DNASE2B: variants seen among roughly 807,000 people sequenced by gnomAD.
DNASE2B encodes deoxyribonuclease-2-beta.
DNASE2B carries 43 observed loss-of-function variants against 46.0 expected under a neutral mutation model. The observed-to-expected ratio is 0.94, with a 90% CI of 0.73 to 1.21. DNASE2B has a LOEUF of 1.21. Ranked by LOEUF, DNASE2B falls within the 50% of genes most tolerant of loss-of-function variation. The pLI is 0.00. For synonymous variants in DNASE2B, 156 were observed against 152.5 expected, an observed-to-expected ratio of 1.02 and a Z score of -0.17; for missense variants, 395 against 414.4, an observed-to-expected ratio of 0.95 and a Z score of 0.41.
intron 2 of DNASE2B, among the ~76,000 whole-genome samples, chr1:84,406,929 TC>T (rs2101850290): frequency 6.6e-6 from 1 of 152,322 alleles, no homozygotes; most frequent in East Asian, 1.9e-4. Flanking sequence ...CCGTGTACCT[TC>T]ATAAACATTT....
intron 2 of DNASE2B, among the ~76,000 whole-genome samples, chr1:84,407,682 A>C (rs1402106699): frequency 6.6e-6 from 1 of 152,164 alleles, no homozygotes; most frequent in Non-Finnish European, 1.5e-5. Context: ...ACCTAGAACA[A>C]ATATTAGCAA....
At chr1:84,400,940 CTTAAA>C (rs989761061) in intron 1 of DNASE2B, among the ~76,000 whole-genome samples, 39 of 152,184 alleles carry the variant, frequency 2.6e-4, no homozygotes, top group Admixed American at 2.0e-4. Flanking sequence ...AAAGAGTTCA[CTTAAA>C]TTAAGTATAA....
chr1:84,412,122 G>T (rs540446122), intron 4 of DNASE2B, among the ~76,000 whole-genome samples: 19 of 152,288 alleles, frequency 1.2e-4, no homozygotes, highest in African/African-American at 3.8e-4. Context: ...AGGATTAAAT[G>T]AATAAACCCA....
At chr1:84,404,986 A>G (rs544428615) in intron 2 of DNASE2B, among the ~76,000 whole-genome samples, 1 of 152,184 alleles carries the variant, frequency 6.6e-6, no homozygotes, top group Non-Finnish European at 1.5e-5. Context: ...TTTCCAGAAT[A>G]AGGAATTTTC....
chr1:84,403,699 A>G (rs1010077012), intron 2 of DNASE2B, among the ~76,000 whole-genome samples: 38 of 152,044 alleles, frequency 2.5e-4, no homozygotes, highest in African/African-American at 8.9e-4. Flanking sequence ...ATGTTTCTAT[A>G]CAGTAGTAAT....
At chr1:84,406,228 G>A (rs1259695743) in intron 2 of DNASE2B, among the ~76,000 whole-genome samples, 2 of 152,086 alleles carry the variant, frequency 1.3e-5, no homozygotes, top group Non-Finnish European at 2.9e-5. Context: ...CCAGGTTGGG[G>A]ATGGGGACCA....
At chr1:84,403,302 G>C (rs1351909596) in intron 2 of DNASE2B, among the ~76,000 whole-genome samples, 1 of 152,120 alleles carries the variant, frequency 6.6e-6, no homozygotes, top group African/African-American at 2.4e-5. Flanking sequence ...GATAACATCA[G>C]TTTGACTGGA....
At chr1:84,399,824 G>T (rs1229038638) in intron 1 of DNASE2B, among the ~76,000 whole-genome samples, 1 of 151,550 alleles carries the variant, frequency 6.6e-6, no homozygotes, top group African/African-American at 2.4e-5. Context: ...GGAGCTATTG[G>T]AGGACTTCAC....
At chr1:84,405,790 A>C (rs1330673133) in intron 2 of DNASE2B, among the ~76,000 whole-genome samples, 1 of 152,202 alleles carries the variant, frequency 6.6e-6, no homozygotes, top group Non-Finnish European at 1.5e-5. Flanking sequence ...TAAAATTATT[A>C]CAGTAGTACA....
intron 3 of DNASE2B, among the ~76,000 whole-genome samples, chr1:84,408,983 A>G (rs138336009): frequency 1.3e-5 from 2 of 151,986 alleles, no homozygotes; most frequent in Non-Finnish European, 2.9e-5. Context: ...TTTTTGAAAA[A>G]GTATTTTAAA....
chr1:84,414,780 T>C lies in DNASE2B; in HGVS notation c.998T>C (p.Phe333Ser), dbSNP rs1680666244. The C allele has an allele frequency of 1.9e-6, 3 of 1,614,172 alleles. No individual in the cohort carries two copies. The highest frequency in any genetic ancestry group is 2.5e-6 in the Non-Finnish European group (3 of 1,180,020). The change falls in exon 6 of 6, where the codon TTC (phenylalanine) becomes TCC (serine). Residue 333 changes from phenylalanine to serine, a missense_variant. Coordinates refer to ENST00000370665, the MANE Select transcript of DNASE2B (RefSeq NM_021233.3). The stretch of plus-strand genomic sequence containing the variant: ...CTAAATCGGAGTCCACACCAAGCCT[T>C]CAGAAGTGGAGGATTCATTTGTACC... ...GDLNRSPHQAFRSGGFICTQN... is the reference protein window; with the variant it reads ...GDLNRSPHQASRSGGFICTQN...
chr1:84,408,307 T>C, intron 2 of DNASE2B, 130 bp from the exon 3 acceptor site: 1 of 1,304,962 alleles, frequency 7.7e-7, no homozygotes, highest in Non-Finnish European at 9.8e-7. Context: ...AGCTGCCTAT[T>C]AGGGGAATAG....
intron 3 of DNASE2B, among the ~76,000 whole-genome samples, chr1:84,409,087 ATG>A (rs1181799640): frequency 1.3e-5 from 2 of 152,042 alleles, no homozygotes; most frequent in African/African-American, 4.8e-5. Context: ...AACTTTGCAT[ATG>A]TGTTTGTGAA....
intron 1 of DNASE2B, among the ~76,000 whole-genome samples, chr1:84,400,363 C>T (rs1343923731): frequency 1.3e-5 from 2 of 151,352 alleles, no homozygotes; most frequent in African/African-American, 4.9e-5. Context: ...AATGAGACTC[C>T]GTCTCAAAAA....
chr1:84,402,390 C>T (rs1371443511), intron 2 of DNASE2B, among the ~76,000 whole-genome samples: 2 of 152,174 alleles, frequency 1.3e-5, no homozygotes, highest in African/African-American at 4.8e-5. Flanking sequence ...GCTTATTCAT[C>T]TAATAGAAAT....
chr1:84,408,254 C>G (rs753429363), intron 2 of DNASE2B, 183 bp from the exon 3 acceptor site: 7 of 1,008,602 alleles, frequency 6.9e-6, no homozygotes, highest in Non-Finnish European at 9.1e-6. Flanking sequence ...AATGGACTTT[C>G]TTTCCCCTGT....
intron 2 of DNASE2B, among the ~76,000 whole-genome samples, chr1:84,407,880 G>A (rs1346254762): frequency 6.6e-6 from 1 of 152,070 alleles, no homozygotes; most frequent in Admixed American, 6.6e-5. Flanking sequence ...CTGAAAAATG[G>A]ATTGCAGAAA....
intron 2 of DNASE2B, among the ~76,000 whole-genome samples, chr1:84,403,666 T>C (rs1293597844): frequency 1.3e-5 from 2 of 152,138 alleles, no homozygotes; most frequent in Non-Finnish European, 2.9e-5. Context: ...ATTCTATCTA[T>C]TTGCTTTTTC....
chr1:84,403,003 G>T (rs1326553530), intron 2 of DNASE2B, among the ~76,000 whole-genome samples: 1 of 152,186 alleles, frequency 6.6e-6, no homozygotes, highest in African/African-American at 2.4e-5. Context: ...CTGTCATGGT[G>T]TGTGGTAATA....
Sources: allele counts gnomAD v4.1 joint callset (sites outside exome capture counted in the v4.1 genomes callset), GRCh38; gene constraint gnomAD v4.1.1; transcripts MANE v1.5; gene names NCBI Gene and HGNC (gene_info 2026-07-23, HGNC 2026-07-21).